CHRM3: variants seen among roughly 807,000 people sequenced by gnomAD.
The protein encoded by CHRM3 is muscarinic acetylcholine receptor M3.
A neutral mutation model predicts 41.8 loss-of-function variants in CHRM3; 11 were observed. That is an observed-to-expected ratio of 0.26 (90% CI 0.17 to 0.44). The LOEUF (loss-of-function observed/expected upper bound fraction) is 0.44. CHRM3 is among the 20% of genes least tolerant of loss of function. CHRM3 has a pLI of 1.00. For missense variants in CHRM3, 571 were observed against 745.4 expected, an observed-to-expected ratio of 0.77 and a Z score of 2.72; for synonymous variants, 297 against 301.4, an observed-to-expected ratio of 0.99 and a Z score of 0.15.
At chr1:239,801,532 A>G (rs1670212259) in intron 5 of CHRM3, among the ~76,000 whole-genome samples, 1 of 152,214 alleles carries the variant, frequency 6.6e-6, no homozygotes, top group African/African-American at 2.4e-5. Flanking sequence ...TTTCATGATA[A>G]CAATAAGCAG....
chr1:239,440,318 A>C (rs971721743), intron 1 of CHRM3, among the ~76,000 whole-genome samples: 1 of 150,822 alleles, frequency 6.6e-6, no homozygotes, highest in Non-Finnish European at 1.5e-5. Flanking sequence ...CACACACACA[A>C]AATGTGAGAA....
intron 1 of CHRM3, among the ~76,000 whole-genome samples, chr1:239,419,334 C>T (rs76249996): frequency 0.03 from 4,364 of 145,608 alleles, 88 homozygotes; most frequent in Non-Finnish European, 0.046. Context: ...TTATTATAGT[C>T]GTTTTATTAC....
intron 1 of CHRM3, among the ~76,000 whole-genome samples, chr1:239,461,868 A>G (rs373090256): frequency 4.0e-5 from 6 of 151,178 alleles, no homozygotes; most frequent in Admixed American, 2.0e-4. Context: ...TTCCTTCATC[A>G]TCTCCCTTCT....
At chr1:239,586,779 G>A (rs971898130) in intron 3 of CHRM3, among the ~76,000 whole-genome samples, 1 of 152,110 alleles carries the variant, frequency 6.6e-6, no homozygotes, top group Non-Finnish European at 1.5e-5. Flanking sequence ...TGCACTTTAT[G>A]TGATGTTTCC....
At chr1:239,780,885 T>G (rs1668465035) in intron 5 of CHRM3, among the ~76,000 whole-genome samples, 1 of 152,128 alleles carries the variant, frequency 6.6e-6, no homozygotes, top group African/African-American at 2.4e-5. Context: ...ATCTGTAGTC[T>G]GTTGTATTGC....
chr1:239,732,250 T>C (rs936824161), intron 5 of CHRM3, among the ~76,000 whole-genome samples: 5 of 151,008 alleles, frequency 3.3e-5, no homozygotes, highest in African/African-American at 1.2e-4. Context: ...ATATCTCACT[T>C]AGATAAGTAT....
At chr1:239,688,285 G>A (rs1299523542) in intron 5 of CHRM3, among the ~76,000 whole-genome samples, 1 of 146,470 alleles carries the variant, frequency 6.8e-6, no homozygotes, top group African/African-American at 2.5e-5. Flanking sequence ...ACATATATAT[G>A]TATATGTGGG....
Position 239,738,471 on chromosome 1 carries a change from G to C in CHRM3, c.-147+60183G>C, listed in dbSNP as rs111945599. On this transcript the variant is annotated intron_variant, in intron 5 of 6. Coordinates refer to ENST00000676153, the MANE Select transcript of CHRM3 (RefSeq NM_001375978.1). ...ATTATTATCCCAAGGCCAGGCTCAGGGGGGGTTTGGGAGTCCAGGAAGCAT... is the reference window on the plus strand; with the variant it reads ...ATTATTATCCCAAGGCCAGGCTCAGCGGGGGTTTGGGAGTCCAGGAAGCAT... 8.1e-4 allele frequency among the ~76,000 whole-genome samples: 123 copies of C among 152,238 alleles called. 1 individual carries two copies. Among genetic ancestry groups the C allele is most frequent in the African/African-American group, 2.8e-3 (117 of 41,552 alleles).
chr1:239,472,026 T>G (rs1666164722), intron 1 of CHRM3, among the ~76,000 whole-genome samples: 1 of 152,080 alleles, frequency 6.6e-6, no homozygotes, highest in Non-Finnish European at 1.5e-5. Context: ...ACTCTGAGAG[T>G]AACCAAATAT....
chr1:239,644,334 CCCA>C (rs1671537100), intron 4 of CHRM3, among the ~76,000 whole-genome samples: 1 of 147,528 alleles, frequency 6.8e-6, no homozygotes, highest in South Asian at 2.3e-4. Context: ...ACACCCATTT[CCCA>C]CCCACCCGTC....
chr1:239,572,281 A>T (rs1370807942), intron 3 of CHRM3, among the ~76,000 whole-genome samples: 7 of 152,208 alleles, frequency 4.6e-5, no homozygotes, highest in African/African-American at 1.7e-4. Context: ...CCCGTTGATA[A>T]AACGGAGATG....
intron 6 of CHRM3, among the ~76,000 whole-genome samples, chr1:239,905,138 G>A (rs367917098): frequency 2.6e-5 from 4 of 152,326 alleles, no homozygotes; most frequent in Admixed American, 6.5e-5. Context: ...AGGTGATAAA[G>A]AGTATCTCAT....
At chr1:239,755,658 G>C (rs937475470) in intron 5 of CHRM3, among the ~76,000 whole-genome samples, 7 of 152,178 alleles carry the variant, frequency 4.6e-5, no homozygotes, top group African/African-American at 1.4e-4. Flanking sequence ...CGGAGACCAG[G>C]TGGTTGTGTT....
chr1:239,889,397 G>A (rs1288863113), intron 6 of CHRM3, among the ~76,000 whole-genome samples: 2 of 152,284 alleles, frequency 1.3e-5, no homozygotes, highest in Non-Finnish European at 2.9e-5. Flanking sequence ...CTGTACACAT[G>A]ATAACACAAA....
intron 1 of CHRM3, among the ~76,000 whole-genome samples, chr1:239,415,765 C>A (rs1253594469): frequency 6.6e-6 from 1 of 152,120 alleles, no homozygotes; most frequent in Non-Finnish European, 1.5e-5. Context: ...AGTCTTCTAA[C>A]ACAATTCTAA....
chr1:239,791,060 A>AC (rs1365183199), intron 5 of CHRM3, among the ~76,000 whole-genome samples: 3 of 151,646 alleles, frequency 2.0e-5, no homozygotes, highest in African/African-American at 7.3e-5. Flanking sequence ...AAAAAAAAAA[A>AC]AAAACACACA....
chr1:239,613,746 C>T (rs116748328), intron 3 of CHRM3, among the ~76,000 whole-genome samples: 275 of 152,272 alleles, frequency 1.8e-3, no homozygotes, highest in African/African-American at 6.1e-3. Flanking sequence ...TTATCTGTCT[C>T]ATTCTGACTT....
chr1:239,431,201 ATTAAT>A (rs1662808265), intron 1 of CHRM3, among the ~76,000 whole-genome samples: 1 of 152,166 alleles, frequency 6.6e-6, no homozygotes, highest in African/African-American at 2.4e-5. Context: ...TAGGAGTAAA[ATTAAT>A]TTATTTAATC....
At position 239,559,737 on chromosome 1, in the gene CHRM3, A is replaced by G. The variant is rs185130659; in HGVS notation, c.-313+13988A>G. On this transcript the variant is annotated intron_variant, in intron 3 of 6. Transcript: ENST00000676153. ...ACAACCTACAACTTGTTAAGGATAC[A>G]TAGTGCGTTAATTGTATAACTCCAC... is the stretch of plus-strand genomic sequence containing the variant. Among the ~76,000 whole-genome samples, 380 of 152,318 alleles carry G rather than the reference A, an allele frequency of 2.5e-3. 1 individual carries two copies. Among genetic ancestry groups the G allele is most frequent in the Admixed American group, 6.7e-3 (103 of 15,286 alleles).
Sources: gnomAD v4.1 joint callset for allele counts (sites outside exome capture counted in the v4.1 genomes callset) on GRCh38, gnomAD v4.1.1 for gene constraint, MANE v1.5 for transcripts, NCBI Gene and HGNC (gene_info 2026-07-23, HGNC 2026-07-21) for gene names.